DAPK1: variants seen among roughly 807,000 people sequenced by gnomAD.
DAPK1 encodes the protein death-associated protein kinase 1.
DAPK1 carries 56 observed loss-of-function variants against 144.9 expected under a neutral mutation model. That is an observed-to-expected ratio of 0.39 (90% CI 0.31 to 0.48). The LOEUF (loss-of-function observed/expected upper bound fraction) is 0.48. DAPK1 is among the 20% of genes least tolerant of loss of function. The pLI, the probability that DAPK1 is intolerant of heterozygous loss-of-function variation, is 0.95. For missense variants in DAPK1, 1,454 were observed against 1,875.4 expected, an observed-to-expected ratio of 0.78 and a Z score of 4.15; for synonymous variants, 690 against 749.0, an observed-to-expected ratio of 0.92 and a Z score of 1.29.
At chr9:87,592,186 C>A (rs1828160759) in intron 2 of DAPK1, among the ~76,000 whole-genome samples, 1 of 152,204 alleles carries the variant, frequency 6.6e-6, no homozygotes, top group South Asian at 2.1e-4. Context: ...GCCACCCATG[C>A]TGGGAGGGGT....
chr9:87,642,162 T>A, intron 10 of DAPK1, 104 bp downstream of exon 10: 1 of 841,218 alleles, frequency 1.2e-6, no homozygotes, highest in Non-Finnish European at 1.9e-6. Context: ...GGAAGATACA[T>A]CCTTTCCTCT....
chr9:87,614,708 CCT>C (rs1344594880), intron 3 of DAPK1, among the ~76,000 whole-genome samples: 5 of 152,174 alleles, frequency 3.3e-5, no homozygotes, highest in African/African-American at 1.2e-4. Flanking sequence ...TGCCCAGTTC[CCT>C]CTCTTCGCTG....
chr9:87,519,973 T>C (rs1309319315), intron 2 of DAPK1, among the ~76,000 whole-genome samples: 1 of 151,394 alleles, frequency 6.6e-6, no homozygotes, highest in Non-Finnish European at 1.5e-5. Context: ...TTGAGTAGTC[T>C]GAAATGCTGT....
In DAPK1 at chr9:87,698,792, C is replaced by A. The variant is rs572732204; in HGVS notation, c.2748C>A (p.Asn916Lys). ...KDTSLLKEIR[N>K]RFGNDLHISN... ...CATCGTTGCTGAAAGAGATTAGGAACAGGTGAGGGGCAGCCACTTAGTCTC... is the reference window on the plus strand; with the variant it reads ...CATCGTTGCTGAAAGAGATTAGGAAAAGGTGAGGGGCAGCCACTTAGTCTC... The change falls in exon 23 of 26, where the codon AAC becomes AAA. Residue 916 changes from asparagine (N) to lysine (K), a missense_variant and splice_region_variant. By Grantham distance (94) the Asn-to-Lys change is moderately conservative. This residue lies in a region of DAPK1 where 1,025 missense variants were observed against 1,237.9 expected (regional missense o/e 0.83). Transcript: ENST00000408954. The A allele has an allele frequency of 3.1e-6, 5 of 1,600,554 alleles. No homozygotes were observed. In the South Asian group the frequency reaches 4.4e-5, roughly 14 times the overall value.
At position 87,525,915 on chromosome 9, in the gene DAPK1, T is replaced by A. The variant is rs569874298; in HGVS notation, c.62+26776T>A. ...TCGAGTATCCCTTTAAGTTTGTTTT[T>A]AAAATATTAAATTTACCAAGAAACA... On this transcript the variant is annotated intron_variant, in intron 2 of 25. Coordinates refer to ENST00000408954, the MANE Select transcript of DAPK1 (RefSeq NM_004938.4). 3.3e-5 allele frequency among the ~76,000 whole-genome samples: 5 copies of A among 152,334 alleles called. No individual in the cohort carries two copies. In the South Asian group the frequency reaches 8.3e-4, roughly 25 times the overall value.
rs760979824 is a variant in DAPK1 at position 87,706,676 on chromosome 9, A to T, written c.3605A>T (p.Glu1202Val). The T allele has an allele frequency of 6.2e-7, 1 of 1,611,912 alleles. No individual in the cohort carries two copies. The highest frequency in any genetic ancestry group is 2.2e-5 in the East Asian group (1 of 44,854). The part of the protein sequence containing the change: ...QGIEVQVRGL[E>V]TEKIKCCLLL... ...ATTGAGGTCCAGGTCCGCGGCCTGG[A>T]GACGGAGAAGATCAAGTGCTGCCTG... The change falls in exon 26 of 26, where the codon GAG (glutamate) becomes GTG (valine). Residue 1202 changes from glutamate to valine, a missense_variant. Physicochemically the swap from Glu to Val is moderately radical, Grantham distance 121 (BLOSUM62 -2). Around this residue, in one of 2 missense-constraint regions of DAPK1, gnomAD observed 1,025 missense variants for 1,237.9 expected, o/e 0.83. Coordinates refer to ENST00000408954, the MANE Select transcript of DAPK1 (RefSeq NM_004938.4). This position sits in a 1 kb window ranked among gnomAD's most constrained non-coding sequence, Gnocchi z 9.0.
At chr9:87,599,538 CTCATT>C (rs1462750214) in intron 2 of DAPK1, among the ~76,000 whole-genome samples, 3 of 152,222 alleles carry the variant, frequency 2.0e-5, no homozygotes, top group African/African-American at 7.2e-5. Context: ...TAATATAAAA[CTCATT>C]AAAGGAAGAA....
chr9:87,660,088 A>G (rs2119228370), intron 18 of DAPK1, among the ~76,000 whole-genome samples: 1 of 152,320 alleles, frequency 6.6e-6, no homozygotes, highest in East Asian at 1.9e-4. Context: ...TCAGCCGGAC[A>G]GAGTCCCGGG....
At chr9:87,636,574 G>A (rs905770890) in intron 3 of DAPK1, among the ~76,000 whole-genome samples, 10 of 152,154 alleles carry the variant, frequency 6.6e-5, no homozygotes, top group Admixed American at 1.3e-4. Context: ...ACTCTAGACC[G>A]TGCTAAGGAA....
intron 3 of DAPK1, among the ~76,000 whole-genome samples, chr9:87,606,367 T>C (rs1279969494): frequency 6.6e-6 from 1 of 152,146 alleles, no homozygotes; most frequent in Non-Finnish European, 1.5e-5. Flanking sequence ...TCTCAGATGG[T>C]TTATGGGGAG....
chr9:87,576,117 A>C (rs1333280452), intron 2 of DAPK1, among the ~76,000 whole-genome samples: 1 of 152,164 alleles, frequency 6.6e-6, no homozygotes, highest in Admixed American at 6.5e-5. Flanking sequence ...AGCATTCCAA[A>C]CTTGGGTGGA....
intron 2 of DAPK1, among the ~76,000 whole-genome samples, chr9:87,561,382 C>T (rs1826914991): frequency 1.3e-5 from 2 of 152,080 alleles, no homozygotes; most frequent in Admixed American, 6.5e-5. Flanking sequence ...AAAAATTAGC[C>T]GGGCGTTGTG....
At chr9:87,604,895 C>A in intron 2 of DAPK1, 59 bp from the exon 3 acceptor site, 1 of 1,523,158 alleles carries the variant, frequency 6.6e-7, no homozygotes, top group South Asian at 1.2e-5. Context: ...ATGCCACATC[C>A]TCACTCAAAT....
intron 2 of DAPK1, among the ~76,000 whole-genome samples, chr9:87,516,161 C>T (rs1159459817): frequency 6.6e-6 from 1 of 152,162 alleles, no homozygotes; most frequent in East Asian, 1.9e-4. Context: ...CCAGCTTCTG[C>T]CCTTCTCCTT....
At chr9:87,564,317 G>T (rs1287487662) in intron 2 of DAPK1, among the ~76,000 whole-genome samples, 3 of 152,172 alleles carry the variant, frequency 2.0e-5, no homozygotes, top group African/African-American at 7.2e-5. Context: ...TGGCTGACCA[G>T]TCCTGGCTGT....
rs1308392593 is a variant in DAPK1 at position 87,552,825 on chromosome 9, T to G, written c.63-52129T>G. 2.0e-5 allele frequency among the ~76,000 whole-genome samples: 3 copies of G among 151,866 alleles called. No individual in the cohort carries two copies. In the South Asian group the frequency reaches 6.2e-4, roughly 32 times the overall value. On this transcript the variant is annotated intron_variant, in intron 2 of 25. Coordinates refer to ENST00000408954, the MANE Select transcript of DAPK1 (RefSeq NM_004938.4). ...TGCGTTGCTCAGGCTGTTCTAGAAC[T>G]CCAGGCCTCAAGCGATTCTCCCACA...
chr9:87,697,094 C>A lies in DAPK1; in HGVS notation c.2501C>A (p.Ser834Ter). Residue 834 changes from serine to a stop codon, truncating the protein, a stop_gained, in exon 22 of 26, where the codon TCA becomes TAA. Transcript: ENST00000408954. LOFTEE classifies it high-confidence loss of function. ...TATTTTGCTGCAAATGATCCCACGT[C>A]AATCCATGTTGTTGTCTTTAGTCTA... Reference protein sequence around the residue: ...YDYFAANDPTSIHVVVFSLEE... With the variant: ...YDYFAANDPT 1 of 1,555,438 alleles carries A rather than the reference C, an allele frequency of 6.4e-7. No homozygotes were observed. The highest frequency in any genetic ancestry group is 8.9e-7 in the Non-Finnish European group (1 of 1,126,482).
intron 17 of DAPK1, among the ~76,000 whole-genome samples, chr9:87,656,733 C>T (rs1352128568): frequency 6.6e-6 from 1 of 152,184 alleles, no homozygotes; most frequent in Non-Finnish European, 1.5e-5. Context: ...TGATCCCTCC[C>T]GTTACAGGCA....
intron 17 of DAPK1, chr9:87,657,768 C>G: frequency 2.1e-6 from 1 of 471,912 alleles, no homozygotes; most frequent in East Asian, 4.2e-5. Flanking sequence ...ACTCCTGTCT[C>G]TTTCAGGCCA....
Sources: gnomAD v4.1 joint callset for allele counts (sites outside exome capture counted in the v4.1 genomes callset) on GRCh38, gnomAD v4.1.1 for gene constraint, gnomAD v4.1.1 regional missense constraint, Gnocchi (gnomAD v3.1) non-coding constraint, MANE v1.5 for transcripts, NCBI Gene and HGNC (gene_info 2026-07-23, HGNC 2026-07-21) for gene names.